The following RANBP3L variants were observed in gnomAD, a reference collection of about 807,000 sequenced individuals.
The protein encoded by RANBP3L is ran-binding protein 3-like.
Under a neutral mutation model 67.2 loss-of-function variants are expected in RANBP3L, and 56 were observed. That is an observed-to-expected ratio of 0.83 (90% CI 0.67 to 1.04). The LOEUF (loss-of-function observed/expected upper bound fraction) is 1.04, where lower values mean the gene tolerates loss of function less well. RANBP3L is among the 50% of genes least tolerant of loss of function. The pLI is 0.00. For synonymous variants in RANBP3L, 164 were observed against 181.4 expected (o/e 0.90, Z 0.77); for missense variants, 496 against 535.5 (o/e 0.93, Z 0.73).
intron 1 of RANBP3L, among the ~76,000 whole-genome samples, chr5:36,282,299 T>C (rs1285048075): frequency 2.0e-5 from 3 of 152,182 alleles, no homozygotes; most frequent in Non-Finnish European, 4.4e-5. Flanking sequence ...AATGGTGTCT[T>C]CTCAAAGTTA....
chr5:36,261,844 C>A, intron 7 of RANBP3L, 95 bp downstream of exon 7: 1 of 549,798 alleles, frequency 1.8e-6, no homozygotes, highest in Non-Finnish European at 3.2e-6. Flanking sequence ...GCAATTTATC[C>A]GTACAAGGTC....
chr5:36,294,298 C>A (rs1230018859), intron 1 of RANBP3L, among the ~76,000 whole-genome samples: 6 of 150,030 alleles, frequency 4.0e-5, no homozygotes, highest in Admixed American at 1.3e-4. Flanking sequence ...CTCTTTTTTT[C>A]TTTATTAGTC....
intron 1 of RANBP3L, among the ~76,000 whole-genome samples, chr5:36,292,244 G>A (rs984125876): frequency 6.6e-6 from 1 of 151,986 alleles, no homozygotes; most frequent in East Asian, 1.9e-4. Flanking sequence ...TTTTGATGGG[G>A]TTGTTTGTTT....
In RANBP3L at chr5:36,255,473, G is replaced by A. The variant is rs1748903313; in HGVS notation, c.1021C>T (p.Leu341=). Residue 341 remains leucine, a synonymous_variant, in exon 11 of 14, where the codon CTA becomes TTA. Coordinates refer to ENST00000296604, the MANE Select transcript of RANBP3L (RefSeq NM_145000.5). ...GCTTTACAAAAGGATTCCTTACTTA[G>A]TCTTGACTGTAATGTTCCACAGTCA... is the stretch of plus-strand genomic sequence containing the variant. ...STDCGTLQSR[L]IMRNQGSLRL... 1 of 1,608,276 alleles carries A rather than the reference G, an allele frequency of 6.2e-7. No individual in the cohort carries two copies. The highest frequency in any genetic ancestry group is 1.1e-5 in the South Asian group (1 of 90,100).
intron 1 of RANBP3L, among the ~76,000 whole-genome samples, chr5:36,277,194 T>C (rs1182561084): frequency 6.6e-6 from 1 of 152,132 alleles, no homozygotes; most frequent in Non-Finnish European, 1.5e-5. Context: ...TTTCCACATG[T>C]CTCTTCCACA....
chr5:36,297,022 C>G (rs1174771477), intron 1 of RANBP3L, among the ~76,000 whole-genome samples: 2 of 152,126 alleles, frequency 1.3e-5, no homozygotes, highest in African/African-American at 2.4e-5. Flanking sequence ...TCTCTCTTCT[C>G]TCTCTCTATT....
At chr5:36,271,727 T>C (rs566762852) in intron 1 of RANBP3L, among the ~76,000 whole-genome samples, 1 of 152,186 alleles carries the variant, frequency 6.6e-6, no homozygotes. Flanking sequence ...AGAAATGATA[T>C]GTATGCATTG....
intron 1 of RANBP3L, among the ~76,000 whole-genome samples, chr5:36,271,980 T>C (rs1750248218): frequency 6.6e-6 from 1 of 152,168 alleles, no homozygotes; most frequent in Admixed American, 6.5e-5. Flanking sequence ...ATATCAACGC[T>C]CCAGAATTCT....
chr5:36,257,113 T>TC (rs537010074), intron 9 of RANBP3L, 42 bp from the exon 10 acceptor site: 53 of 1,566,682 alleles, frequency 3.4e-5, no homozygotes, highest in Admixed American at 1.6e-4. Flanking sequence ...GTCCCCATTT[T>TC]CTCTACTGTG....
At chr5:36,287,542 T>C (rs768128968) in intron 1 of RANBP3L, among the ~76,000 whole-genome samples, 1 of 152,206 alleles carries the variant, frequency 6.6e-6, no homozygotes, top group African/African-American at 2.4e-5. Flanking sequence ...TATTAAACGA[T>C]AACTCATGAG....
In RANBP3L at chr5:36,247,200, C is replaced by G. The variant is rs771517852; in HGVS notation, c.*2454G>C. ...AAGAAGGCTAGATGAAGATACAGGACAAGGAAAAACTATAAAATGTTTCTA... is the reference window on the plus strand; with the variant it reads ...AAGAAGGCTAGATGAAGATACAGGAGAAGGAAAAACTATAAAATGTTTCTA... On this transcript the variant is annotated 3_prime_UTR_variant, in exon 14 of 14. Coordinates refer to ENST00000296604, the MANE Select transcript of RANBP3L (RefSeq NM_145000.5). 1.3e-5 allele frequency among the ~76,000 whole-genome samples: 2 copies of G among 152,058 alleles called. No individual in the cohort carries two copies. Among genetic ancestry groups the G allele is most frequent in the Non-Finnish European group, 2.9e-5 (2 of 68,006 alleles).
intron 1 of RANBP3L, among the ~76,000 whole-genome samples, chr5:36,274,775 G>A (rs975277138): frequency 2.0e-5 from 3 of 152,082 alleles, no homozygotes; most frequent in African/African-American, 7.2e-5. Context: ...GGTATTGGGG[G>A]GAAGGGGCTA....
intron 1 of RANBP3L, among the ~76,000 whole-genome samples, chr5:36,277,333 G>C (rs1308855961): frequency 6.6e-6 from 1 of 151,688 alleles, no homozygotes; most frequent in Non-Finnish European, 1.5e-5. Flanking sequence ...ATGGATTTTA[G>C]AGCTTGGAAG....
intron 1 of RANBP3L, among the ~76,000 whole-genome samples, chr5:36,293,463 C>T (rs1751954073): frequency 6.6e-6 from 1 of 151,948 alleles, no homozygotes; most frequent in African/African-American, 2.4e-5. Context: ...TGAGAGAGGT[C>T]ATCCCTGTCT....
intron 1 of RANBP3L, among the ~76,000 whole-genome samples, chr5:36,289,296 C>T (rs987650589): frequency 2.3e-4 from 35 of 152,236 alleles, no homozygotes; most frequent in African/African-American, 8.2e-4. Context: ...ACACTGATAT[C>T]ATCTTGATTT....
intron 1 of RANBP3L, among the ~76,000 whole-genome samples, chr5:36,297,573 T>A (rs1380298540): frequency 1.3e-5 from 2 of 152,212 alleles, no homozygotes; most frequent in Admixed American, 6.6e-5. Context: ...AGCACCATAA[T>A]ACATAAGGAA....
chr5:36,265,131 G>A (rs759145429), intron 5 of RANBP3L, 33 bp from the exon 6 acceptor site: 17 of 1,362,960 alleles, frequency 1.2e-5, no homozygotes, highest in Non-Finnish European at 1.7e-5. Flanking sequence ...ATAAATATAT[G>A]TTTACTGAAA....
intron 6 of RANBP3L, among the ~76,000 whole-genome samples, chr5:36,262,334 A>T (rs974111426): frequency 3.9e-5 from 6 of 152,076 alleles, no homozygotes; most frequent in Non-Finnish European, 8.8e-5. Flanking sequence ...CAGAAATCCC[A>T]CCATGTTTTG....
At chr5:36,300,978 A>T (rs114292511) in intron 1 of RANBP3L, among the ~76,000 whole-genome samples, 1 of 152,192 alleles carries the variant, frequency 6.6e-6, no homozygotes, top group African/African-American at 2.4e-5. Flanking sequence ...TATGGTAGAG[A>T]AAGCTCCAGG....
Sources: allele counts gnomAD v4.1 joint callset (sites outside exome capture counted in the v4.1 genomes callset), GRCh38; gene constraint gnomAD v4.1.1; transcripts MANE v1.5; gene names NCBI Gene and HGNC (gene_info 2026-07-23, HGNC 2026-07-21).